Variants in ZNF804A observed in about 807,000 individuals in gnomAD.
The protein encoded by ZNF804A is zinc finger protein 804A.
A neutral mutation model predicts 16.5 loss-of-function variants in ZNF804A; 2 were observed. The observed-to-expected ratio is 0.12, with a 90% CI of 0.05 to 0.38. The LOEUF (loss-of-function observed/expected upper bound fraction) is 0.38, where lower values mean the gene tolerates loss of function less well. Among genes scored for constraint, ZNF804A ranks in the 10% least tolerant of loss-of-function variants. ZNF804A has a pLI of 0.99. For missense variants in ZNF804A, 1,473 were observed against 1,390.7 expected (o/e 1.06, Z -0.94); for synonymous variants, 534 against 489.6 (o/e 1.09, Z -1.20).
chr2:184,825,377 G>A (rs1053230199), intron 1 of ZNF804A, among the ~76,000 whole-genome samples: 2 of 151,920 alleles, frequency 1.3e-5, no homozygotes, highest in African/African-American at 4.8e-5. Flanking sequence ...TTTTTGCAGG[G>A]CACAGAGGAT....
At chr2:184,917,119 C>T (rs557896163) in intron 2 of ZNF804A, among the ~76,000 whole-genome samples, 2 of 152,186 alleles carry the variant, frequency 1.3e-5, no homozygotes, top group Non-Finnish European at 2.9e-5. Context: ...TATATAGATA[C>T]CATGGACTAG....
At chr2:184,684,198 GT>G (rs1307330926) in intron 1 of ZNF804A, among the ~76,000 whole-genome samples, 6 of 152,154 alleles carry the variant, frequency 3.9e-5, no homozygotes, top group African/African-American at 1.4e-4. Context: ...ATACTTTTAA[GT>G]TCCAGGAAGA....
intron 1 of ZNF804A, among the ~76,000 whole-genome samples, chr2:184,703,348 C>G (rs969869869): frequency 6.6e-6 from 1 of 152,040 alleles, no homozygotes; most frequent in Non-Finnish European, 1.5e-5. Context: ...AAACCCTGTT[C>G]CATAAAGCAT....
chr2:184,617,465 C>G (rs78913732), intron 1 of ZNF804A, among the ~76,000 whole-genome samples: 103 of 151,830 alleles, frequency 6.8e-4, no homozygotes, highest in African/African-American at 2.4e-3. Flanking sequence ...AAGTAAACAG[C>G]TTTATGAATA....
intron 2 of ZNF804A, among the ~76,000 whole-genome samples, chr2:184,867,700 A>G (rs1175286642): frequency 6.6e-6 from 1 of 152,168 alleles, no homozygotes; most frequent in Non-Finnish European, 1.5e-5. Flanking sequence ...AAATACATAC[A>G]TAAGTATATC....
intron 2 of ZNF804A, among the ~76,000 whole-genome samples, chr2:184,867,997 AACTT>A (rs1420884988): frequency 6.6e-6 from 1 of 152,104 alleles, no homozygotes; most frequent in Non-Finnish European, 1.5e-5. Context: ...TTGAAGATAA[AACTT>A]ACTAAAGTTA....
intron 1 of ZNF804A, among the ~76,000 whole-genome samples, chr2:184,685,275 C>T (rs1368150431): frequency 6.6e-6 from 1 of 152,014 alleles, no homozygotes; most frequent in African/African-American, 2.4e-5. Context: ...CAGTGGCACC[C>T]AGAAGCTTAA....
At chr2:184,891,464 T>G (rs1684983606) in intron 2 of ZNF804A, among the ~76,000 whole-genome samples, 1 of 152,110 alleles carries the variant, frequency 6.6e-6, no homozygotes, top group Admixed American at 6.6e-5. Flanking sequence ...TTAATAAAAT[T>G]TTACTGCATT....
intron 1 of ZNF804A, among the ~76,000 whole-genome samples, chr2:184,709,461 T>C (rs1371253905): frequency 6.6e-6 from 1 of 152,032 alleles, no homozygotes; most frequent in African/African-American, 2.4e-5. Flanking sequence ...CTGTTTCCAA[T>C]ATTATTCTGA....
At chr2:184,901,045 C>T (rs552116190) in intron 2 of ZNF804A, among the ~76,000 whole-genome samples, 1 of 152,256 alleles carries the variant, frequency 6.6e-6, no homozygotes, top group East Asian at 1.9e-4. Context: ...GCATTCTCCT[C>T]TACCAGTATA....
chr2:184,615,976 A>T (rs1691313030), intron 1 of ZNF804A, among the ~76,000 whole-genome samples: 1 of 152,156 alleles, frequency 6.6e-6, no homozygotes, highest in Non-Finnish European at 1.5e-5. Context: ...TGGCCCAAGC[A>T]TTGACCATTT....
intron 2 of ZNF804A, among the ~76,000 whole-genome samples, chr2:184,870,663 A>G (rs1316227868): frequency 1.3e-5 from 2 of 152,058 alleles, no homozygotes; most frequent in African/African-American, 2.4e-5. Context: ...CATATATATA[A>G]GTGTAAAAAG....
intron 1 of ZNF804A, among the ~76,000 whole-genome samples, chr2:184,741,601 G>A (rs767753711): frequency 3.3e-5 from 5 of 152,232 alleles, no homozygotes; most frequent in Admixed American, 6.5e-5. Context: ...CAGAGGCTTA[G>A]AGATTACTTC....
Position 184,754,001 on chromosome 2 carries a change from C to G in ZNF804A, c.112-112368C>G, listed in dbSNP as rs1266649898. On this transcript the variant is annotated intron_variant, in intron 1 of 3. Transcript: ENST00000302277. ...AACACATTTTATCTGTCTATATACC[C>G]ATTCATCTTTCTCACTCTCTCTCTA... is the stretch of plus-strand genomic sequence containing the variant. 2.0e-5 allele frequency among the ~76,000 whole-genome samples: 3 copies of G among 151,608 alleles called. 1 individual carries two copies. Among genetic ancestry groups the G allele is most frequent in the South Asian group, 4.2e-4 (2 of 4,810 alleles).
Position 184,936,697 on chromosome 2 carries a change from C to A in ZNF804A, c.1301C>A (p.Ser434Tyr). The A allele has an allele frequency of 6.2e-7, 1 of 1,613,706 alleles. No individual in the cohort carries two copies. The highest frequency in any genetic ancestry group is 1.7e-4 in the Middle Eastern group (1 of 6,058). ...PFVPVLNKHR[S>Y]TVLQWPSEML... ...GTACCTGTCCTTAACAAACACAGAT[C>A]TACAGTTCTTCAGTGGCCATCAGAA... is the stretch of plus-strand genomic sequence containing the variant. The change falls in exon 4 of 4, where the codon TCT becomes TAT. Residue 434 changes from serine (S) to tyrosine (Y), a missense_variant. Coordinates refer to ENST00000302277, the MANE Select transcript of ZNF804A (RefSeq NM_194250.2).
intron 1 of ZNF804A, among the ~76,000 whole-genome samples, chr2:184,757,098 T>C (rs902632418): frequency 2.0e-5 from 3 of 152,084 alleles, no homozygotes; most frequent in Non-Finnish European, 4.4e-5. Context: ...TTATCTTACA[T>C]GATAAACTCT....
intron 1 of ZNF804A, among the ~76,000 whole-genome samples, chr2:184,671,531 G>A (rs181857523): frequency 4.6e-5 from 7 of 152,204 alleles, no homozygotes; most frequent in African/African-American, 1.7e-4. Context: ...GGTATTTATG[G>A]TTCTCCTCTA....
intron 1 of ZNF804A, among the ~76,000 whole-genome samples, chr2:184,726,745 T>C (rs1210161306): frequency 1.3e-5 from 2 of 151,540 alleles, no homozygotes; most frequent in African/African-American, 4.8e-5. Flanking sequence ...ATATATATCT[T>C]AAAAATACTT....
rs115456227 is a variant in ZNF804A, at chr2:184,669,189, A to G, written c.111+70119A>G. ...AAACATGGCAGAGTCTCCAAAGGAT[A>G]CATAACAACTCCTATATTCTTGCAG... On this transcript the variant is annotated intron_variant, in intron 1 of 3. Coordinates refer to ENST00000302277, the MANE Select transcript of ZNF804A (RefSeq NM_194250.2). Among the ~76,000 whole-genome samples, 774 of 152,196 alleles carry G rather than the reference A, an allele frequency of 5.1e-3. 5 individuals are homozygous for G. The highest frequency in any genetic ancestry group is 8.7e-3 in the Non-Finnish European group (592 of 67,934).
Sources: allele counts gnomAD v4.1 joint callset (sites outside exome capture counted in the v4.1 genomes callset), GRCh38; gene constraint gnomAD v4.1.1; transcripts MANE v1.5; gene names NCBI Gene and HGNC (gene_info 2026-07-23, HGNC 2026-07-21).